NUMB: variants seen among roughly 807,000 people sequenced by gnomAD.
NUMB encodes the protein protein numb homolog.
Under a neutral mutation model 59.7 loss-of-function variants are expected in NUMB, and 29 were observed. The ratio of observed to expected loss-of-function variants is 0.49; its 90% CI spans 0.36 to 0.66. The LOEUF is 0.66. Among genes scored for constraint, NUMB ranks in the 30% least tolerant of loss-of-function variants. The pLI, the probability that NUMB is intolerant of heterozygous loss-of-function variation, is 0.00. For synonymous variants in NUMB, 288 were observed against 288.2 expected, an observed-to-expected ratio of 1.00 and a Z score of 0.01; for missense variants, 723 against 822.0, an observed-to-expected ratio of 0.88 and a Z score of 1.47.
At chr14:73,455,478 G>T (rs1884296446) in intron 1 of NUMB, among the ~76,000 whole-genome samples, 3 of 152,180 alleles carry the variant, frequency 2.0e-5, no homozygotes, top group African/African-American at 7.2e-5. Flanking sequence ...TTTACAACAT[G>T]TACCACATCC....
intron 1 of NUMB, among the ~76,000 whole-genome samples, chr14:73,413,459 C>A (rs1020875886): frequency 6.6e-6 from 1 of 151,612 alleles, no homozygotes; most frequent in Non-Finnish European, 1.5e-5. Flanking sequence ...TGATTTGATT[C>A]TTTTTCTAAA....
intron 6 of NUMB, among the ~76,000 whole-genome samples, chr14:73,310,276 C>G (rs1438345453): frequency 2.0e-5 from 3 of 152,178 alleles, no homozygotes; most frequent in African/African-American, 4.8e-5. Context: ...TGTTGCCACA[C>G]AGAAAGCATA....
chr14:73,453,984 T>C (rs1379335401), intron 1 of NUMB, among the ~76,000 whole-genome samples: 1 of 152,182 alleles, frequency 6.6e-6, no homozygotes, highest in Non-Finnish European at 1.5e-5. Context: ...AAAAAAATTT[T>C]TTTTTAATTT....
chr14:73,312,657 T>C (rs1594893648), intron 6 of NUMB, among the ~76,000 whole-genome samples: 1 of 147,176 alleles, frequency 6.8e-6, no homozygotes, highest in South Asian at 2.1e-4. Context: ...GAGGCTGCAG[T>C]GAGCCATCAT....
intron 3 of NUMB, chr14:73,357,095 T>C: frequency 1.4e-6 from 1 of 735,072 alleles, no homozygotes; most frequent in African/African-American, 1.9e-5. Flanking sequence ...CAAGTTTCAT[T>C]ATCAACTCTG....
At chr14:73,361,104 G>C (rs1894078248) in intron 3 of NUMB, among the ~76,000 whole-genome samples, 1 of 152,052 alleles carries the variant, frequency 6.6e-6, no homozygotes, top group Admixed American at 6.6e-5. Context: ...TACCGAGGCT[G>C]GTTTTGAACT....
At chr14:73,352,800 C>G (rs2140011541) in intron 4 of NUMB, among the ~76,000 whole-genome samples, 1 of 149,756 alleles carries the variant, frequency 6.7e-6, no homozygotes, top group Non-Finnish European at 1.5e-5. Context: ...CCCTGGCCTC[C>G]CAAAGTGCTG....
intron 4 of NUMB, among the ~76,000 whole-genome samples, chr14:73,334,046 T>TTG (rs948910537): frequency 1.7e-4 from 25 of 150,944 alleles, no homozygotes; most frequent in East Asian, 9.7e-4. Context: ...TGGGGGTTTT[T>TTG]TGTGTGTGTG....
At chr14:73,327,158 T>C (rs1467226418) in intron 4 of NUMB, among the ~76,000 whole-genome samples, 3 of 152,218 alleles carry the variant, frequency 2.0e-5, no homozygotes, top group Non-Finnish European at 2.9e-5. Flanking sequence ...CAATTACAAG[T>C]GAGCCTCTCT....
chr14:73,378,833 T>C (rs1300267838), intron 2 of NUMB, among the ~76,000 whole-genome samples: 1 of 152,170 alleles, frequency 6.6e-6, no homozygotes, highest in Admixed American at 6.5e-5. Flanking sequence ...GACCATGTCA[T>C]TACATATTTG....
chr14:73,442,668 ATAC>A (rs1883147611), intron 1 of NUMB, among the ~76,000 whole-genome samples: 2 of 152,226 alleles, frequency 1.3e-5, no homozygotes, highest in South Asian at 4.1e-4. Context: ...ATATATGTAT[ATAC>A]TACATGATGC....
rs1277596814 is a variant in NUMB at position 73,276,282 on chromosome 14, A to ATACTT, written c.*291_*295dup. On this transcript the variant is annotated 3_prime_UTR_variant, in exon 13 of 13. Transcript: ENST00000555238. The stretch of plus-strand genomic sequence containing the variant: ...GCTTGGAATATAGATTCTTGTTCAG[A>ATACTT]TACTTTGCCTCTCTGTTGCCAGAGA... The ATACTT allele has an allele frequency of 6.3e-6, 2 of 318,254 alleles. No individual in the cohort carries two copies. The highest frequency in any genetic ancestry group is 2.1e-5 in the African/African-American group (1 of 47,410). 19.7% of individuals were successfully genotyped at this position (318,254 alleles called of 1,614,324 possible).
chr14:73,355,120 T>TA (rs1893714080), intron 4 of NUMB, among the ~76,000 whole-genome samples: 1 of 152,326 alleles, frequency 6.6e-6, no homozygotes, highest in African/African-American at 2.4e-5. Flanking sequence ...ACTATGTTCT[T>TA]AACCTCTGTG....
At chr14:73,383,379 A>G (rs1459447580) in intron 2 of NUMB, among the ~76,000 whole-genome samples, 1 of 152,214 alleles carries the variant, frequency 6.6e-6, no homozygotes. Context: ...TTTTAATAGC[A>G]GACTGAACAT....
chr14:73,369,945 T>C (rs1566765301), intron 2 of NUMB, among the ~76,000 whole-genome samples: 2 of 152,236 alleles, frequency 1.3e-5, no homozygotes. Flanking sequence ...TGATGTGTTT[T>C]GCTTATATTG....
intron 1 of NUMB, among the ~76,000 whole-genome samples, chr14:73,412,360 G>T (rs1896935394): frequency 6.6e-6 from 1 of 152,102 alleles, no homozygotes. Flanking sequence ...GGGCACGGTG[G>T]CTCACGCTTG....
intron 1 of NUMB, among the ~76,000 whole-genome samples, chr14:73,437,866 T>C (rs1413626006): frequency 2.0e-5 from 3 of 151,906 alleles, no homozygotes; most frequent in Admixed American, 1.3e-4. Context: ...GGATCAGGGA[T>C]CACCCAAAAG....
At chr14:73,332,929 C>T (rs1892068965) in intron 4 of NUMB, among the ~76,000 whole-genome samples, 2 of 152,190 alleles carry the variant, frequency 1.3e-5, no homozygotes, top group Middle Eastern at 3.4e-3. Flanking sequence ...CCATAGCATA[C>T]ATGTATTTCA....
At chr14:73,366,317 G>C (rs1594953554) in intron 3 of NUMB, among the ~76,000 whole-genome samples, 1 of 152,234 alleles carries the variant, frequency 6.6e-6, no homozygotes. Flanking sequence ...ACTTATTCAA[G>C]TTTAATTTTG....
Sources: gnomAD v4.1 joint callset for allele counts (sites outside exome capture counted in the v4.1 genomes callset) on GRCh38, gnomAD v4.1.1 for gene constraint, MANE v1.5 for transcripts, NCBI Gene and HGNC (gene_info 2026-07-23, HGNC 2026-07-21) for gene names.